Variants in AK5 observed in about 807,000 individuals in gnomAD.
The protein encoded by AK5 is adenylate kinase 5.
In AK5, 27 loss-of-function variants were observed where a neutral mutation model predicts 69.5. The ratio of observed to expected loss-of-function variants is 0.39; its 90% confidence interval spans 0.29 to 0.54. AK5 has a LOEUF of 0.54. Ranked by LOEUF, AK5 falls within the 20% of genes least tolerant of loss-of-function variation. The probability of loss-of-function intolerance (pLI) is 0.71; values close to 1 mark genes in which losing one functional copy is unlikely to be tolerated. For synonymous variants in AK5, 260 were observed against 244.4 expected, an observed-to-expected ratio of 1.06 and a Z score of -0.60; for missense variants, 531 against 700.4, an observed-to-expected ratio of 0.76 and a Z score of 2.73.
In AK5 at chr1:77,465,602, C is replaced by T. The variant is rs376715601; in HGVS notation, c.1060-17715C>T. On this transcript the variant is annotated intron_variant, in intron 8 of 13. Transcript: ENST00000354567. ...ACACACACACCTTAAATTTTCCCCT[C>T]AGAATGCTCTTTGGTAATGTTTCCT... Among the ~76,000 whole-genome samples the T allele has an allele frequency of 2.6e-5, 4 of 152,244 alleles. No individual in the cohort carries two copies. In the East Asian group the frequency reaches 7.7e-4, roughly 29 times the overall value.
At chr1:77,326,539 A>T (rs1372798439) in intron 5 of AK5, among the ~76,000 whole-genome samples, 2 of 152,036 alleles carry the variant, frequency 1.3e-5, no homozygotes, top group Non-Finnish European at 2.9e-5. Flanking sequence ...TCCATTCAGT[A>T]GGTTTGTGCA....
rs374425612 is a variant in AK5, at chr1:77,494,882, C to T, written c.1147+8530C>T. 4.5e-4 allele frequency among the ~76,000 whole-genome samples: 68 copies of T among 151,716 alleles called. 1 individual carries two copies. The South Asian group carries it at 5.0e-3, about 11-fold the overall frequency. On this transcript the variant is annotated intron_variant, in intron 10 of 13. Coordinates refer to ENST00000354567, the MANE Select transcript of AK5 (RefSeq NM_174858.3). ...CTACAAGCTCCGCCTCCCAGGTTCA[C>T]GCCATTCTCCTGCCTCAGCCTCCCG...
intron 6 of AK5, among the ~76,000 whole-genome samples, chr1:77,396,427 C>G (rs1648835304): frequency 6.6e-6 from 1 of 152,198 alleles, no homozygotes. Context: ...AAACAAGCCC[C>G]CATTCTGTTT....
chr1:77,398,306 C>T (rs1648965547), intron 6 of AK5, among the ~76,000 whole-genome samples: 1 of 152,060 alleles, frequency 6.6e-6, no homozygotes, highest in Admixed American at 6.6e-5. Context: ...TTCAGGGTAC[C>T]ACTTAGAGCT....
intron 10 of AK5, among the ~76,000 whole-genome samples, chr1:77,506,067 G>T (rs983313864): frequency 6.6e-6 from 1 of 152,016 alleles, no homozygotes; most frequent in African/African-American, 2.4e-5. Flanking sequence ...TGAATTCCAA[G>T]AATTCAGAAA....
At chr1:77,407,435 A>T (rs150038270) in intron 6 of AK5, among the ~76,000 whole-genome samples, 1 of 152,188 alleles carries the variant, frequency 6.6e-6, no homozygotes, top group Non-Finnish European at 1.5e-5. Flanking sequence ...TTTATGTAAA[A>T]ATCTAGAAAA....
rs1660308115 is a variant in AK5, at chr1:77,559,325, C to CTGT, written c.*656_*657insGTT. 6.6e-6 allele frequency: 1 copy of CTGT among 151,668 alleles called. No homozygotes were observed. Among genetic ancestry groups the CTGT allele is most frequent in the South Asian group, 2.1e-4 (1 of 4,810 alleles). The allele number at this position is 151,668 out of a possible 1,614,324, so 9.4% of individuals were successfully genotyped here. A position where few individuals can be genotyped will look rare whatever the true frequency, so the allele number is the denominator to read the frequency against. Reference sequence around the variant, plus strand: ...CCAGGTTAGTCATCAGTAACCTTCTCTATTATTATTATTTTTTAGAAACTT... The same window carrying CTGT: ...CCAGGTTAGTCATCAGTAACCTTCTCTGTTATTATTATTATTTTTTAGAAACTT... On this transcript the variant is annotated 3_prime_UTR_variant, in exon 14 of 14. Transcript: ENST00000354567.
At chr1:77,383,452 T>A (rs1318385145) in intron 6 of AK5, among the ~76,000 whole-genome samples, 1 of 152,116 alleles carries the variant, frequency 6.6e-6, no homozygotes, top group Non-Finnish European at 1.5e-5. Context: ...TGTGTGATGA[T>A]CTAGAAAATC....
chr1:77,359,805 CAGCTGTCAAAT>C (rs1353693855), intron 6 of AK5, among the ~76,000 whole-genome samples: 1 of 152,208 alleles, frequency 6.6e-6, no homozygotes, highest in Non-Finnish European at 1.5e-5. Context: ...GTATGTCAAA[CAGCTGTCAAAT>C]ACAATGGCAG....
intron 10 of AK5, among the ~76,000 whole-genome samples, chr1:77,499,599 A>G (rs918261128): frequency 6.6e-6 from 1 of 151,990 alleles, no homozygotes; most frequent in Admixed American, 6.6e-5. Context: ...CACAAGCAGA[A>G]CACCCTGGTT....
intron 6 of AK5, among the ~76,000 whole-genome samples, chr1:77,382,042 AG>A (rs1302168275): frequency 2.0e-5 from 3 of 152,162 alleles, no homozygotes. Flanking sequence ...CATTGCCTGG[AG>A]ATCTCGGACA....
chr1:77,438,319 A>AAAAAAAAAAAAG lies in AK5; in HGVS notation c.1059+20609_1059+20610insAAAAAAGAAAAA, dbSNP rs1557593670. Among the ~76,000 whole-genome samples the AAAAAAAAAAAAG allele has an allele frequency of 4.9e-5, 3 of 61,246 alleles. 1 individual carries two copies. The highest frequency in any genetic ancestry group is 1.5e-4 in the Non-Finnish European group (3 of 20,122). 40.2% of individuals were successfully genotyped at this position (61,246 alleles called of 152,430 possible). ...CAAAAAAAAAAAAAAAAAAAAAAAAAAAAAACAAGCTTGGGGAGTTCAAAT... is the reference window on the plus strand; with the variant it reads ...CAAAAAAAAAAAAAAAAAAAAAAAAAAAAAAAAAAAAGAAAAACAAGCTTGGGGAGTTCAAAT... On this transcript the variant is annotated intron_variant, in intron 8 of 13. Transcript: ENST00000354567.
chr1:77,502,961 G>A (rs961076106), intron 10 of AK5, among the ~76,000 whole-genome samples: 1 of 152,168 alleles, frequency 6.6e-6, no homozygotes, highest in Non-Finnish European at 1.5e-5. Context: ...AGTAGAAGAC[G>A]CTGGCTGCAT....
At chr1:77,401,953 T>C (rs1649244094) in intron 6 of AK5, among the ~76,000 whole-genome samples, 1 of 152,226 alleles carries the variant, frequency 6.6e-6, no homozygotes, top group Admixed American at 6.5e-5. Flanking sequence ...TTAAATGACA[T>C]AAAACAGATT....
At chr1:77,396,122 C>T (rs548852991) in intron 6 of AK5, among the ~76,000 whole-genome samples, 3 of 152,210 alleles carry the variant, frequency 2.0e-5, no homozygotes, top group African/African-American at 7.2e-5. Flanking sequence ...CCTGTCAAAG[C>T]CAATTCTTCT....
chr1:77,343,819 A>G (rs1254593785), intron 6 of AK5, among the ~76,000 whole-genome samples: 1 of 152,124 alleles, frequency 6.6e-6, no homozygotes, highest in African/African-American at 2.4e-5. Context: ...TCCCCAGCAA[A>G]TGCTCATCTT....
intron 6 of AK5, among the ~76,000 whole-genome samples, chr1:77,383,262 C>A (rs1343029598): frequency 6.6e-6 from 1 of 152,106 alleles, no homozygotes; most frequent in South Asian, 2.1e-4. Context: ...ATATTACACA[C>A]ATTTCCAAAC....
intron 12 of AK5, among the ~76,000 whole-genome samples, chr1:77,526,463 G>GTGTT: frequency 7.8e-6 from 1 of 128,946 alleles, no homozygotes; most frequent in African/African-American, 2.9e-5. Flanking sequence ...GGGAATAAAA[G>GTGTT]TCTTTTTTTT....
chr1:77,418,142 A>G (rs370389336), intron 8 of AK5, among the ~76,000 whole-genome samples: 31 of 152,328 alleles, frequency 2.0e-4, no homozygotes, highest in African/African-American at 5.8e-4. Context: ...TGGGCAATTT[A>G]TAAAAGAAAG....
Sources: allele counts gnomAD v4.1 joint callset (sites outside exome capture counted in the v4.1 genomes callset), GRCh38; gene constraint gnomAD v4.1.1; transcripts MANE v1.5; gene names NCBI Gene and HGNC (gene_info 2026-07-23, HGNC 2026-07-21).